Variants in ALLC observed in about 807,000 individuals in gnomAD.
ALLC encodes probable inactive allantoicase.
In ALLC, 40 loss-of-function variants were observed where a neutral mutation model predicts 45.0. That is an observed-to-expected ratio of 0.89 (90% CI 0.69 to 1.16). The LOEUF (loss-of-function observed/expected upper bound fraction) is 1.16. ALLC is among the 50% of genes most tolerant of loss of function. The pLI, the probability that ALLC is intolerant of heterozygous loss-of-function variation, is 0.00. For synonymous variants in ALLC, 176 were observed against 178.1 expected, an observed-to-expected ratio of 0.99 and a Z score of 0.09; for missense variants, 488 against 493.1, an observed-to-expected ratio of 0.99 and a Z score of 0.10.
At chr2:3,673,985 C>A in intron 2 of ALLC, 90 bp from the exon 3 acceptor site, 2 of 1,007,430 alleles carry the variant, frequency 2.0e-6, no homozygotes, top group Middle Eastern at 3.2e-4. Context: ...TTTCTTTTTA[C>A]TTCATCTCAT....
chr2:3,656,830 A>AGGTCAGGGTGTGGAGGGCAGG (rs1256341079), upstream of ALLC, among the ~76,000 whole-genome samples: 6 of 132,454 alleles, frequency 4.5e-5, no homozygotes, highest in Non-Finnish European at 7.5e-5. Flanking sequence ...TGGAGGGCAG[A>AGGTCAGGGTGTGGAGGGCAGG]GGTCAGGGTG....
the ALLC span, among the ~76,000 whole-genome samples, chr2:3,650,951 A>G: frequency 4.6e-5 from 7 of 152,360 alleles, no homozygotes; most frequent in South Asian, 8.3e-4. Context: ...TTTTATTCCC[A>G]TAACTTCCGA....
chr2:3,697,956 C>T (rs945380690), intron 10 of ALLC, among the ~76,000 whole-genome samples: 1 of 150,170 alleles, frequency 6.7e-6, no homozygotes. Flanking sequence ...TGAGCCACTG[C>T]GCCCGACCCT....
the ALLC span, among the ~76,000 whole-genome samples, chr2:3,651,297 TGGGTGGGTGGGTGGGTGGGG>T: frequency 2.9e-3 from 5 of 1,716 alleles, no homozygotes; most frequent in African/African-American, 6.8e-3. Flanking sequence ...GAATTCTTTT[TGGGTGGGTGGGTGGGTGGGG>T]GGGGTGTGTG....
At chr2:3,696,840 C>T (rs893783589) in intron 9 of ALLC, among the ~76,000 whole-genome samples, 8 of 152,164 alleles carry the variant, frequency 5.3e-5, no homozygotes, top group African/African-American at 1.9e-4. Context: ...CAATGCCTTT[C>T]AATTTGCAAA....
chr2:3,683,012 AC>A lies in ALLC; in HGVS notation c.450del (p.His150GlnfsTer49), dbSNP rs1558542572. The A allele has an allele frequency of 2.5e-6, 4 of 1,614,042 alleles. No individual in the cohort carries two copies. The South Asian group carries it at 4.4e-5, about 18-fold the overall frequency. ...AAGCCAGGAAACCCTGCTTCCGGCC[AC>A]AACTATTTTCTTGTCAATTCCCAGC... ...ELKPGNPASG[H>X]NYFLVNSQQR... On this transcript the variant is annotated frameshift_variant, in exon 7 of 12. Transcript: ENST00000252505. LOFTEE classifies it high-confidence loss of function.
upstream of ALLC, among the ~76,000 whole-genome samples, chr2:3,657,986 C>T (rs188531886): frequency 2.7e-3 from 416 of 152,330 alleles, 4 homozygotes; most frequent in African/African-American, 9.6e-3. Context: ...GGCCAGTGGC[C>T]GGAGGCAGCT....
intron 3 of ALLC, among the ~76,000 whole-genome samples, chr2:3,676,515 G>A (rs148883903): frequency 0.017 from 2,656 of 152,322 alleles, 28 homozygotes; most frequent in Non-Finnish European, 0.029. Context: ...CCAAATGGCT[G>A]GGATTACAGG....
intron 1 of ALLC, among the ~76,000 whole-genome samples, chr2:3,661,788 T>G (rs1277800203): frequency 6.6e-6 from 1 of 152,232 alleles, no homozygotes; most frequent in Non-Finnish European, 1.5e-5. Context: ...TTACAGGTCC[T>G]TAGTGTCTTA....
At chr2:3,658,738 C>G (rs1046308196) in intron 1 of ALLC, among the ~76,000 whole-genome samples, 19 of 151,848 alleles carry the variant, frequency 1.3e-4, no homozygotes, top group African/African-American at 3.4e-4. Flanking sequence ...CATGGTGGTG[C>G]GTGCCTGTGG....
chr2:3,701,697 T>A (rs1667843400), intron 11 of ALLC, 61 bp downstream of exon 11: 1 of 1,525,548 alleles, frequency 6.6e-7, no homozygotes, highest in East Asian at 2.3e-5. Context: ...TAAGATTCTC[T>A]TTTGAAGGAT....
chr2:3,682,285 G>A (rs1328446325), intron 6 of ALLC, among the ~76,000 whole-genome samples: 1 of 152,198 alleles, frequency 6.6e-6, no homozygotes, highest in Non-Finnish European at 1.5e-5. Context: ...CAGAGGTCAT[G>A]GAGCATGGCA....
At chr2:3,660,087 C>T (rs977053487) in intron 1 of ALLC, among the ~76,000 whole-genome samples, 1 of 152,172 alleles carries the variant, frequency 6.6e-6, no homozygotes, top group African/African-American at 2.4e-5. Context: ...AGGTGGGGCC[C>T]AGCGGGAGGA....
intron 11 of ALLC, 134 bp from the exon 12 acceptor site, chr2:3,702,229 T>G: frequency 1.4e-6 from 1 of 690,166 alleles, no homozygotes; most frequent in Non-Finnish European, 2.4e-6. Flanking sequence ...GAAAGCCCAA[T>G]TATCATCAAT....
intron 1 of ALLC, among the ~76,000 whole-genome samples, chr2:3,662,975 T>C (rs1327556788): frequency 2.0e-5 from 3 of 152,172 alleles, no homozygotes; most frequent in Admixed American, 2.0e-4. Flanking sequence ...GAGGAAGACA[T>C]GAGTTCACTT....
chr2:3,692,528 C>T (rs1368145447), intron 7 of ALLC, among the ~76,000 whole-genome samples: 1 of 152,186 alleles, frequency 6.6e-6, no homozygotes, highest in African/African-American at 2.4e-5. Context: ...ATTTTATTTC[C>T]TGCTAGGTAG....
chr2:3,652,814 T>A, the ALLC span, among the ~76,000 whole-genome samples: 2 of 152,152 alleles, frequency 1.3e-5, no homozygotes, highest in East Asian at 3.9e-4. Context: ...ACTCCTGAGT[T>A]CAGGCAATCA....
chr2:3,663,517 A>G (rs899660088), intron 1 of ALLC, among the ~76,000 whole-genome samples: 1 of 151,826 alleles, frequency 6.6e-6, no homozygotes, highest in Non-Finnish European at 1.5e-5. Flanking sequence ...GCAAACCACC[A>G]TGGCACACGT....
upstream of ALLC, among the ~76,000 whole-genome samples, chr2:3,653,813 C>T (rs1048762880): frequency 4.6e-5 from 7 of 152,178 alleles, no homozygotes; most frequent in South Asian, 6.2e-4. The surrounding 1 kb of genome is among the most constrained non-coding windows in gnomAD (Gnocchi z 4.1). Flanking sequence ...GTATCTTTCC[C>T]GCTCCTGCTA....
Sources: gnomAD v4.1 joint callset for allele counts (sites outside exome capture counted in the v4.1 genomes callset) on GRCh38, gnomAD v4.1.1 for gene constraint, Gnocchi (gnomAD v3.1) non-coding constraint, MANE v1.5 for transcripts, NCBI Gene and HGNC (gene_info 2026-07-23, HGNC 2026-07-21) for gene names.